Variants in ITCH observed in about 807,000 individuals in gnomAD.
ITCH encodes E3 ubiquitin-protein ligase Itchy homolog.
A neutral mutation model predicts 126.8 loss-of-function variants in ITCH; 28 were observed. That is an observed-to-expected ratio of 0.22 (90% CI 0.16 to 0.30). The LOEUF (loss-of-function observed/expected upper bound fraction) is 0.30, where lower values mean the gene tolerates loss of function less well. Ranked by LOEUF, ITCH falls within the 10% of genes least tolerant of loss-of-function variation. ITCH has a pLI of 1.00. For synonymous variants in ITCH, 342 were observed against 340.0 expected (o/e 1.01, Z -0.06); for missense variants, 631 against 1,032.4 (o/e 0.61, Z 5.33).
chr20:34,409,934 C>T (rs1978740360), intron 4 of ITCH, among the ~76,000 whole-genome samples: 1 of 151,454 alleles, frequency 6.6e-6, no homozygotes, highest in South Asian at 2.1e-4. Context: ...GGAGACTGAG[C>T]CAGGAGGATT....
intron 12 of ITCH, among the ~76,000 whole-genome samples, chr20:34,454,924 G>C (rs1985732999): frequency 6.7e-6 from 1 of 148,406 alleles, no homozygotes; most frequent in Non-Finnish European, 1.5e-5. Flanking sequence ...CTGCCTCCCG[G>C]GTTCAAGCGA....
chr20:34,367,380 C>T (rs1304582788), intron 1 of ITCH, among the ~76,000 whole-genome samples: 1 of 152,120 alleles, frequency 6.6e-6, no homozygotes, highest in East Asian at 1.9e-4. Context: ...GGAGTTTGGA[C>T]TGAAATTTAT....
intron 10 of ITCH, among the ~76,000 whole-genome samples, chr20:34,444,321 C>T (rs777981468): frequency 3.4e-4 from 51 of 152,106 alleles, no homozygotes; most frequent in Non-Finnish European, 5.6e-4. Context: ...TGGTGGTTCA[C>T]GCCTGTAATC....
chr20:34,411,564 A>T (rs1010801491), intron 4 of ITCH, among the ~76,000 whole-genome samples: 1 of 152,154 alleles, frequency 6.6e-6, no homozygotes, highest in African/African-American at 2.4e-5. Flanking sequence ...AGCAGTGTGG[A>T]ATTTTTAGTT....
At chr20:34,467,835 G>A (rs4596046) in intron 14 of ITCH, among the ~76,000 whole-genome samples, 1 of 151,728 alleles carries the variant, frequency 6.6e-6, no homozygotes, top group Non-Finnish European at 1.5e-5. Context: ...ATAGGCATGC[G>A]CCACCATGCC....
intron 20 of ITCH, among the ~76,000 whole-genome samples, 156 bp downstream of exon 20, chr20:34,481,362 T>G (rs1025339214): frequency 5.9e-5 from 9 of 152,214 alleles, no homozygotes; most frequent in Admixed American, 1.3e-4. Context: ...CTAAAAAGTT[T>G]TTTTTTAAGT....
intron 10 of ITCH, among the ~76,000 whole-genome samples, chr20:34,442,982 A>G (rs1388065420): frequency 3.3e-5 from 5 of 151,788 alleles, no homozygotes; most frequent in Admixed American, 3.3e-4. Flanking sequence ...TCTCAAAAAA[A>G]AAAAAAAAAT....
At chr20:34,366,485 A>G (rs546974410) in intron 1 of ITCH, among the ~76,000 whole-genome samples, 2 of 152,234 alleles carry the variant, frequency 1.3e-5, no homozygotes, top group Admixed American at 6.6e-5. Context: ...TTGGCCTCCT[A>G]AAGTGTTGGG....
intron 6 of ITCH, among the ~76,000 whole-genome samples, chr20:34,418,822 C>T (rs1479081579): frequency 1.5e-5 from 2 of 132,218 alleles, no homozygotes; most frequent in African/African-American, 3.0e-5. Context: ...AGTGCAATGG[C>T]GCGATCTCGG....
Position 34,438,601 on chromosome 20 carries a change from C to G in ITCH, c.649C>G (p.Arg217Gly), listed in dbSNP as rs1983339154. ...FKPSRPPRPS[R>G]PPPPTPRRPA... ...ACCTTCTAGACCTCCAAGACCTTCA[C>G]GACCACCACCACCCACCCCACGTAG... Residue 217 changes from arginine to glycine, a missense_variant, in exon 8 of 25, where the codon CGA becomes GGA. Transcript: ENST00000374864. 1 of 1,613,922 alleles carries G rather than the reference C, an allele frequency of 6.2e-7. No homozygotes were observed. The highest frequency in any genetic ancestry group is 8.5e-7 in the Non-Finnish European group (1 of 1,180,018).
At chr20:34,396,376 A>G (rs1304764951) in intron 3 of ITCH, among the ~76,000 whole-genome samples, 5 of 152,192 alleles carry the variant, frequency 3.3e-5, no homozygotes, top group African/African-American at 9.6e-5. Flanking sequence ...CATTCCCACT[A>G]GCAATATATG....
At chr20:34,492,667 C>T in intron 23 of ITCH, 70 bp downstream of exon 23, 1 of 969,276 alleles carries the variant, frequency 1.0e-6, no homozygotes, top group Non-Finnish European at 1.7e-6. Context: ...AATGTGTATA[C>T]AGCCTATTAG....
At chr20:34,496,456 C>G (rs1463957298) in intron 23 of ITCH, among the ~76,000 whole-genome samples, 1 of 152,144 alleles carries the variant, frequency 6.6e-6, no homozygotes, top group Non-Finnish European at 1.5e-5. Flanking sequence ...TTTCATATAA[C>G]CCAATTTGTC....
Position 34,470,134 on chromosome 20 carries a change from C to G in ITCH, c.1497+14C>G, listed in dbSNP as rs375689803. 1.1e-5 allele frequency: 18 copies of G among 1,591,056 alleles called. No homozygotes were observed. Among genetic ancestry groups the G allele is most frequent in the Non-Finnish European group, 1.5e-5 (18 of 1,161,590 alleles). ...TTCTGGTGTCAGGTTAGTATTGGAACTGTATCTCTGTACTGCCTTAACTTT... is the reference window on the plus strand; with the variant it reads ...TTCTGGTGTCAGGTTAGTATTGGAAGTGTATCTCTGTACTGCCTTAACTTT... On this transcript the variant is annotated intron_variant, in intron 15 of 24. Coordinates refer to ENST00000374864, the MANE Select transcript of ITCH (RefSeq NM_031483.7).
chr20:34,469,977 A>AT (rs1987462978), intron 14 of ITCH, 71 bp from the exon 15 acceptor site: 6 of 1,170,414 alleles, frequency 5.1e-6, no homozygotes, highest in Non-Finnish European at 7.7e-6. Context: ...AGGGTGGGAT[A>AT]TTTTGCTTTC....
Position 34,433,412 on chromosome 20 carries a change from G to A in ITCH, c.522-5062G>A, listed in dbSNP as rs369272433. Among the ~76,000 whole-genome samples the A allele has an allele frequency of 7.2e-5, 11 of 152,322 alleles. 1 individual carries two copies. Among genetic ancestry groups the A allele is most frequent in the African/African-American group, 2.6e-4 (11 of 41,572 alleles). ...ATAAGAAATCCAGGCAGGGCATGGT[G>A]GCTCACGCCTGTAATCACACTTTGG... is the stretch of plus-strand genomic sequence containing the variant. On this transcript the variant is annotated intron_variant, in intron 7 of 24. Transcript: ENST00000374864.
At chr20:34,488,122 G>T (rs1600478423) in intron 20 of ITCH, among the ~76,000 whole-genome samples, 1 of 149,014 alleles carries the variant, frequency 6.7e-6, no homozygotes. Flanking sequence ...TACTATTTCT[G>T]GTTCTCCTTA....
At chr20:34,424,614 A>G (rs1317013333) in intron 7 of ITCH, 89 bp downstream of exon 7, 2 of 1,057,056 alleles carry the variant, frequency 1.9e-6, no homozygotes, top group African/African-American at 3.1e-5. Context: ...TTCATGATAT[A>G]AGAATAAATG....
intron 3 of ITCH, chr20:34,402,804 A>G (rs1433012838): frequency 5.1e-6 from 1 of 195,116 alleles, no homozygotes; most frequent in Non-Finnish European, 1.1e-5. Context: ...TGTTTGTTGT[A>G]TGCTAGCATT....
Sources: allele counts gnomAD v4.1 joint callset (sites outside exome capture counted in the v4.1 genomes callset), GRCh38; gene constraint gnomAD v4.1.1; transcripts MANE v1.5; gene names NCBI Gene and HGNC (gene_info 2026-07-23, HGNC 2026-07-21).